The following USP43 variants were observed in gnomAD, a reference collection of about 807,000 sequenced individuals.
USP43 encodes the protein ubiquitin specific peptidase 43.
A neutral mutation model predicts 90.7 loss-of-function variants in USP43; 33 were observed. The ratio of observed to expected loss-of-function variants is 0.36; its 90% confidence interval spans 0.28 to 0.49. The LOEUF (loss-of-function observed/expected upper bound fraction) is 0.49. USP43 is among the 20% of genes least tolerant of loss of function. The pLI, the probability that USP43 is intolerant of heterozygous loss-of-function variation, is 0.98. For synonymous variants in USP43, 598 were observed against 615.8 expected, an observed-to-expected ratio of 0.97 and a Z score of 0.43; for missense variants, 1,274 against 1,476.4, an observed-to-expected ratio of 0.86 and a Z score of 2.25.
At chr17:9,720,988 T>A (rs73259675) in intron 14 of USP43, among the ~76,000 whole-genome samples, 1 of 152,154 alleles carries the variant, frequency 6.6e-6, no homozygotes, top group African/African-American at 2.4e-5. Flanking sequence ...CTGGTTATGA[T>A]CATCATAATA....
At chr17:9,719,315 G>C (rs1916792897) in intron 14 of USP43, among the ~76,000 whole-genome samples, 1 of 152,178 alleles carries the variant, frequency 6.6e-6, no homozygotes, top group Non-Finnish European at 1.5e-5. Context: ...GATTTCAAAG[G>C]ATGGTCCAAG....
Position 9,666,713 on chromosome 17 carries a change from T to A in USP43, c.702T>A (p.Gly234=), listed in dbSNP as rs1913057872. The A allele has an allele frequency of 6.2e-7, 1 of 1,613,286 alleles. No individual in the cohort carries two copies. Among genetic ancestry groups the A allele is most frequent in the African/African-American group, 1.3e-5 (1 of 74,986 alleles). ...CLSPSAQLPL[G]QSFVQSHFQA... ...CACCATCAGCTCAGCTTCCTCTAGG[T>A]CAAAGCTTTGTGCAAAGCCACTTTC... The change falls in exon 3 of 15, where the codon GGT becomes GGA. Residue 234 remains glycine (G), a synonymous_variant. Transcript: ENST00000285199.
In USP43 at chr17:9,645,720, C is replaced by G. The variant is rs1434204489; in HGVS notation, c.88C>G (p.Arg30Gly). Residue 30 changes from arginine (R) to glycine (G), a missense_variant, in exon 1 of 15, where the codon CGC (arginine) becomes GGC (glycine). Arg to Gly is a moderately radical substitution (Grantham distance 125, BLOSUM62 -2). This residue lies in a region of USP43 where 112 missense variants were observed against 106.6 expected (regional missense o/e 1.05). Transcript: ENST00000285199. The surrounding 1 kb of genome is among the most constrained non-coding windows in gnomAD (Gnocchi z 6.8). ...RRRSLRRLFSRFLLALGSRSR... is the reference protein window; with the variant it reads ...RRRSLRRLFSGFLLALGSRSR... ...CCGCTCCCTGCGCCGCCTGTTCAGC[C>G]GCTTCCTGCTGGCGCTGGGCAGCCG... is the stretch of plus-strand genomic sequence containing the variant. The G allele has an allele frequency of 9.6e-6, 13 of 1,358,312 alleles. No individual in the cohort carries two copies. The highest frequency in any genetic ancestry group is 1.2e-5 in the Non-Finnish European group (13 of 1,061,484). The allele number at this position is 1,358,312 out of a possible 1,614,324, so 84.1% of individuals were successfully genotyped here.
At chr17:9,680,396 T>C in intron 6 of USP43, 30 bp downstream of exon 6, 2 of 1,611,262 alleles carry the variant, frequency 1.2e-6, no homozygotes, top group Non-Finnish European at 1.7e-6. Flanking sequence ...CAATTTTATT[T>C]GGCTATGATG....
In USP43 at chr17:9,712,014, G is replaced by A. The variant is rs1441170179; in HGVS notation, c.2217G>A (p.Gly739=). ...SLSDHWLLRL[G]SHAGSTRGSL... ...CTGATCACTGGCTCTTACGGCTCGG[G>A]AGCCACGCTGGCAGCACAAGGGGAA... Residue 739 remains glycine (G), a synonymous_variant, in exon 14 of 15, where the codon GGG becomes GGA. Coordinates refer to ENST00000285199, the MANE Select transcript of USP43 (RefSeq NM_153210.5). The A allele has an allele frequency of 1.2e-6, 2 of 1,611,692 alleles. No individual in the cohort carries two copies. Among genetic ancestry groups the A allele is most frequent in the South Asian group, 1.1e-5 (1 of 90,670 alleles).
In USP43 at chr17:9,728,964, A is replaced by T. The variant is rs1222235155; in HGVS notation, c.3346A>T (p.Lys1116Ter). 26 of 1,585,722 alleles carry T rather than the reference A, an allele frequency of 1.6e-5. No homozygotes were observed. Among genetic ancestry groups the T allele is most frequent in the Non-Finnish European group, 2.2e-5 (25 of 1,162,564 alleles). Residue 1116 changes from lysine (K) to a stop codon, truncating the protein, a stop_gained, in exon 15 of 15, where the codon AAA becomes TAA. Transcript: ENST00000285199. LOFTEE classifies it high-confidence loss of function. This position sits in a 1 kb window ranked among gnomAD's most constrained non-coding sequence, Gnocchi z 6.2. ...TCACACTCTTTCTTTAGGTCGAAAG[A>T]AAACCTTACCGGAGTCCAGCTTTTG... ...KYHTLSLGRK[K>*]TLPESSF is the part of the protein sequence containing the mutation.
intron 2 of USP43, among the ~76,000 whole-genome samples, chr17:9,658,092 G>C (rs1963892516): frequency 6.6e-6 from 1 of 152,108 alleles, no homozygotes; most frequent in Admixed American, 6.5e-5. Context: ...CATGAGAACT[G>C]TTTTACCAGT....
rs950401553 is a variant in USP43, at chr17:9,680,233, G to A, written c.972G>A (p.Val324=). 2 of 1,612,582 alleles carry A rather than the reference G, an allele frequency of 1.2e-6. No individual in the cohort carries two copies. The highest frequency in any genetic ancestry group is 2.7e-5 in the African/African-American group (2 of 74,844). Residue 324 remains valine (V), a splice_region_variant and synonymous_variant, in exon 6 of 15, where the codon GTG becomes GTA. Transcript: ENST00000285199. ...AEEGGVPADE[V]ILVELYPSGF... ...GAAAATGATCTTTCTCATTTCAGGT[G>A]ATCTTGGTTGAACTGTATCCCAGTG...
rs755915326 is a variant in USP43 at position 9,728,561 on chromosome 17, T to G, written c.2943T>G (p.Ser981Arg). 6.2e-7 allele frequency: 1 copy of G among 1,613,940 alleles called. No homozygotes were observed. The highest frequency in any genetic ancestry group is 2.2e-5 in the East Asian group (1 of 44,878). ...GATTCTCTGGAAACAGCAAAGACAG[T>G]CGCCGAGGCACCTCTGAGCTAGACA... ...YMGFSGNSKD[S>R]RRGTSELDRP... The change falls in exon 15 of 15, where the codon AGT becomes AGG. Residue 981 changes from serine (S) to arginine (R), a missense_variant. Around this residue, in one of 6 missense-constraint regions of USP43, gnomAD observed 353 missense variants for 329.7 expected, o/e 1.07. Transcript: ENST00000285199. The surrounding 1 kb of genome is among the most constrained non-coding windows in gnomAD (Gnocchi z 6.2).
chr17:9,724,059 C>T (rs1039842302), intron 14 of USP43, among the ~76,000 whole-genome samples: 16 of 152,136 alleles, frequency 1.1e-4, no homozygotes, highest in African/African-American at 3.9e-4. Flanking sequence ...GGTGATTATT[C>T]TTCTCTGACC....
intron 1 of USP43, among the ~76,000 whole-genome samples, chr17:9,650,697 A>G (rs1316701676): frequency 2.6e-5 from 4 of 152,076 alleles, no homozygotes; most frequent in African/African-American, 4.8e-5. Context: ...CGGCCAACAT[A>G]CCTATGTTTT....
intron 12 of USP43, among the ~76,000 whole-genome samples, chr17:9,703,202 G>A (rs1036436372): frequency 3.3e-5 from 5 of 150,672 alleles, no homozygotes; most frequent in African/African-American, 7.3e-5. Flanking sequence ...TACTAAGAGC[G>A]TTATGGCTGA....
chr17:9,701,179 G>T lies in USP43; in HGVS notation c.1596G>T (p.Gln532His), dbSNP rs751358888. 7.1e-6 allele frequency: 11 copies of T among 1,552,916 alleles called. No individual in the cohort carries two copies. The highest frequency in any genetic ancestry group is 9.6e-6 in the Non-Finnish European group (11 of 1,147,988). Residue 532 changes from glutamine (Q) to histidine (H), a missense_variant, in exon 11 of 15, where the codon CAG (glutamine) becomes CAT (histidine). Physicochemically the swap from Gln to His is conservative, Grantham distance 24 (BLOSUM62 0). Transcript: ENST00000285199. This position sits in a 1 kb window ranked among gnomAD's most constrained non-coding sequence, Gnocchi z 7.2. Reference protein sequence around the residue: ...AQDADSVWQQQQAHQQHSCTL... With the variant: ...AQDADSVWQQHQAHQQHSCTL... ...ATGCCGACAGTGTGTGGCAGCAGCA[G>T]CAGGCGCATCAGCAGCACAGCTGTA... is the stretch of plus-strand genomic sequence containing the variant.
chr17:9,717,921 C>T lies in USP43; in HGVS notation c.2335+5789C>T, dbSNP rs372084711. On this transcript the variant is annotated intron_variant, in intron 14 of 14. Transcript: ENST00000285199. ...AAGCGATTCTCCTGCCTCAGACTCC[C>T]GAGTAGCTGGGACTACAGGCACGCA... Among the ~76,000 whole-genome samples, 172 of 151,840 alleles carry T rather than the reference C, an allele frequency of 1.1e-3. 2 individuals are homozygous for T. The highest frequency in any genetic ancestry group is 3.9e-3 in the African/African-American group (163 of 41,396).
chr17:9,683,259 C>T (rs1367169876), intron 7 of USP43, among the ~76,000 whole-genome samples: 1 of 152,022 alleles, frequency 6.6e-6, no homozygotes, highest in African/African-American at 2.4e-5. Flanking sequence ...AAGAAACTGG[C>T]TATAAGAAAA....
At chr17:9,710,500 C>CTTTTTTT (rs753636549) in intron 13 of USP43, among the ~76,000 whole-genome samples, 12 of 86,040 alleles carry the variant, frequency 1.4e-4, no homozygotes, top group African/African-American at 2.7e-4. Flanking sequence ...GGAAAGGTAG[C>CTTTTTTT]TTTTTTTTTT....
At chr17:9,657,487 G>A (rs1320040566) in intron 2 of USP43, among the ~76,000 whole-genome samples, 1 of 148,122 alleles carries the variant, frequency 6.8e-6, no homozygotes, top group Non-Finnish European at 1.5e-5. Flanking sequence ...GTGACATAGT[G>A]AAACTCCGTC....
chr17:9,652,441 A>C (rs1211661206), intron 1 of USP43, among the ~76,000 whole-genome samples: 1 of 151,578 alleles, frequency 6.6e-6, no homozygotes, highest in African/African-American at 2.4e-5. Flanking sequence ...GGCTCACTGC[A>C]AGCTCCGCCT....
Position 9,701,103 on chromosome 17 carries a change from T to C in USP43, c.1536-16T>C. On this transcript the variant is annotated splice_polypyrimidine_tract_variant and intron_variant, in intron 10 of 14. Coordinates refer to ENST00000285199, the MANE Select transcript of USP43 (RefSeq NM_153210.5). This position sits in a 1 kb window ranked among gnomAD's most constrained non-coding sequence, Gnocchi z 7.2. Reference sequence around the variant, plus strand: ...GCAGGAAAGTCCTGAACGCCGTGGGTGTCCTCTCCGTGCAGCCTGTTCGGG... The same window carrying C: ...GCAGGAAAGTCCTGAACGCCGTGGGCGTCCTCTCCGTGCAGCCTGTTCGGG... The C allele has an allele frequency of 6.9e-7, 1 of 1,451,904 alleles. No individual in the cohort carries two copies. Among genetic ancestry groups the C allele is most frequent in the South Asian group, 1.5e-5 (1 of 66,398 alleles). 89.9% of individuals were successfully genotyped at this position (1,451,904 alleles called of 1,614,324 possible). A position where few individuals can be genotyped will look rare whatever the true frequency, so the allele number is the denominator to read the frequency against.
Sources: allele counts gnomAD v4.1 joint callset (sites outside exome capture counted in the v4.1 genomes callset), GRCh38; gene constraint gnomAD v4.1.1; regional missense constraint gnomAD v4.1.1; non-coding constraint Gnocchi (gnomAD v3.1); transcripts MANE v1.5; gene names NCBI Gene and HGNC (gene_info 2026-07-23, HGNC 2026-07-21).